The following DPH6 variants were observed in gnomAD, a reference collection of about 807,000 sequenced individuals.
DPH6 encodes diphthine--ammonia ligase.
A neutral mutation model predicts 38.2 loss-of-function variants in DPH6; 33 were observed. The observed-to-expected ratio is 0.86, with a 90% confidence interval of 0.65 to 1.15. The LOEUF (loss-of-function observed/expected upper bound fraction) is 1.15, where lower values mean the gene tolerates loss of function less well. Among genes scored for constraint, DPH6 ranks in the 50% most tolerant of loss-of-function variants. DPH6 has a pLI of 0.00. For missense variants in DPH6, 325 were observed against 320.0 expected, an observed-to-expected ratio of 1.02 and a Z score of -0.12; for synonymous variants, 108 against 103.0, an observed-to-expected ratio of 1.05 and a Z score of -0.30.
intron 1 of DPH6, 43 bp downstream of exon 1, chr15:35,546,076 A>G (rs2055348266): frequency 7.4e-7 from 1 of 1,350,284 alleles, no homozygotes; most frequent in South Asian, 1.9e-5. Flanking sequence ...AAGGGACGAG[A>G]GCCTGGCCTA....
chr15:35,160,742 C>G, the DPH6 span, among the ~76,000 whole-genome samples: 1 of 151,794 alleles, frequency 6.6e-6, no homozygotes, highest in African/African-American at 2.4e-5. Context: ...TGCTTAGGAT[C>G]AGAGGCCAGT....
downstream of DPH6, among the ~76,000 whole-genome samples, chr15:35,369,312 G>T (rs978230970): frequency 3.3e-5 from 5 of 151,612 alleles, no homozygotes; most frequent in Non-Finnish European, 7.4e-5. Context: ...GGTATTCAGG[G>T]TACTACATTC....
the DPH6 span, among the ~76,000 whole-genome samples, chr15:35,170,503 ATTGGGGT>A: frequency 6.6e-6 from 1 of 152,136 alleles, no homozygotes. Context: ...CCAGATTTAC[ATTGGGGT>A]TGGTTTAAAT....
intron 3 of DPH6, among the ~76,000 whole-genome samples, chr15:35,361,616 CTTTT>C (rs1159203550): frequency 6.7e-6 from 1 of 150,278 alleles, no homozygotes; most frequent in Admixed American, 6.6e-5. Context: ...ACTCTTCTTT[CTTTT>C]TTTCTCCCTT....
At chr15:35,332,063 A>C (rs2140862599) in intron 3 of DPH6, among the ~76,000 whole-genome samples, 1 of 152,334 alleles carries the variant, frequency 6.6e-6, no homozygotes, top group Non-Finnish European at 1.5e-5. Context: ...CCAGATGCCA[A>C]GTCAGCTACA....
rs71123127 is a variant in DPH6, at chr15:35,284,801, ATTTT to A, written n.201-64223_201-64220del. 1.9e-3 allele frequency among the ~76,000 whole-genome samples: 150 copies of A among 79,248 alleles called. 1 individual carries two copies. The highest frequency in any genetic ancestry group is 7.8e-3 in the African/African-American group (136 of 17,500). The allele number at this position is 79,248 out of a possible 152,430, so 52.0% of individuals were successfully genotyped here. ...GAAAATTCATGGGTGAAGTCTCCAA[ATTTT>A]TTTTTTTTTTTTTTTTTTTTTTTTT... On this transcript the variant is annotated intron_variant and non_coding_transcript_variant, in intron 3 of 3. Transcript: ENST00000560386.
intron 3 of DPH6, among the ~76,000 whole-genome samples, chr15:35,334,768 C>T (rs878878194): frequency 6.6e-6 from 1 of 152,232 alleles, no homozygotes; most frequent in East Asian, 1.9e-4. Context: ...CAGTATTCCA[C>T]GGTGTATATG....
At chr15:35,182,153 C>T in the DPH6 span, among the ~76,000 whole-genome samples, 1,427 of 141,094 alleles carry the variant, frequency 0.01, 10 homozygotes, top group Middle Eastern at 0.023. Context: ...GCTAATTTTA[C>T]AGTTTTACAT....
intron 3 of DPH6, among the ~76,000 whole-genome samples, chr15:35,525,524 C>A (rs1286311765): frequency 6.6e-6 from 1 of 152,072 alleles, no homozygotes; most frequent in African/African-American, 2.4e-5. Flanking sequence ...CAGGGGACAA[C>A]TAATTATTGA....
intron 3 of DPH6, among the ~76,000 whole-genome samples, chr15:35,324,528 G>A (rs960163287): frequency 6.6e-6 from 1 of 150,626 alleles, no homozygotes; most frequent in Non-Finnish European, 1.5e-5. Flanking sequence ...GTTCGCTTAC[G>A]ACTTCTAACA....
chr15:35,350,521 G>A (rs978086902), intron 3 of DPH6, among the ~76,000 whole-genome samples: 3 of 151,962 alleles, frequency 2.0e-5, no homozygotes, highest in Non-Finnish European at 4.4e-5. Context: ...GAGATATAAT[G>A]TTAGAATTTT....
intron 3 of DPH6, among the ~76,000 whole-genome samples, chr15:35,227,181 T>C (rs2051487934): frequency 7.8e-6 from 1 of 128,026 alleles, no homozygotes; most frequent in Non-Finnish European, 1.7e-5. Flanking sequence ...CTTCTTTTTT[T>C]TTTTTTTTTT....
intron 5 of DPH6, among the ~76,000 whole-genome samples, chr15:35,418,866 A>G (rs2053468448): frequency 6.6e-6 from 1 of 152,088 alleles, no homozygotes; most frequent in Non-Finnish European, 1.5e-5. Context: ...TAACAATGCT[A>G]TTTTTAAGAG....
chr15:35,227,605 A>G (rs1392333192), intron 3 of DPH6, among the ~76,000 whole-genome samples: 2 of 150,044 alleles, frequency 1.3e-5, no homozygotes, highest in African/African-American at 4.9e-5. Flanking sequence ...GATCTTTTGT[A>G]TTATTTTCTT....
At chr15:35,444,026 G>C (rs981764054) in intron 5 of DPH6, among the ~76,000 whole-genome samples, 2 of 152,144 alleles carry the variant, frequency 1.3e-5, no homozygotes, top group African/African-American at 2.4e-5. Flanking sequence ...AAGACCATCA[G>C]AACAGCTCTC....
At chr15:35,355,292 G>T (rs528597727) in intron 3 of DPH6, among the ~76,000 whole-genome samples, 3 of 152,178 alleles carry the variant, frequency 2.0e-5, no homozygotes, top group East Asian at 1.9e-4. Context: ...TACATTTAAG[G>T]TTAATATTGT....
At chr15:35,420,858 T>C (rs2053496454) in intron 5 of DPH6, among the ~76,000 whole-genome samples, 1 of 152,068 alleles carries the variant, frequency 6.6e-6, no homozygotes. Context: ...GGACAAACCC[T>C]TAGCTAGACT....
At chr15:35,493,509 A>G (rs751105206) in intron 3 of DPH6, among the ~76,000 whole-genome samples, 6 of 152,212 alleles carry the variant, frequency 3.9e-5, no homozygotes, top group Non-Finnish European at 7.4e-5. Flanking sequence ...GAGGTTTAAC[A>G]GGAGAAAGAT....
chr15:35,251,742 C>T (rs920593889), intron 3 of DPH6, among the ~76,000 whole-genome samples: 4 of 152,212 alleles, frequency 2.6e-5, no homozygotes, highest in African/African-American at 4.8e-5. Context: ...TAATGCCTTG[C>T]GTACAGTTTA....
Sources: allele counts gnomAD v4.1 joint callset (sites outside exome capture counted in the v4.1 genomes callset), GRCh38; gene constraint gnomAD v4.1.1; transcripts MANE v1.5; gene names NCBI Gene and HGNC (gene_info 2026-07-23, HGNC 2026-07-21).